The following RHEX variants were observed in gnomAD, a reference collection of about 807,000 sequenced individuals.
The protein encoded by RHEX is regulator of hemoglobinization and erythroid cell expansion, also known as regulator of hemoglobinization and erythroid cell expansion protein.
Under a neutral mutation model 20.1 loss-of-function variants are expected in RHEX, and 18 were observed. The observed-to-expected ratio is 0.90, with a 90% CI of 0.62 to 1.33. The LOEUF is 1.33. Among genes scored for constraint, RHEX ranks in the 40% most tolerant of loss-of-function variants. RHEX has a pLI of 0.00. For missense variants in RHEX, 192 were observed against 214.3 expected, an observed-to-expected ratio of 0.90 and a Z score of 0.65; for synonymous variants, 87 against 77.1, an observed-to-expected ratio of 1.13 and a Z score of -0.67.
In RHEX at chr1:206,077,107, G is replaced by A. The variant is rs145535897; in HGVS notation, c.-96-20626G>A. ...TCCCTACTACATGCAAACACTTGCC[G>A]ATGATGAGAAGAGGTTGTTGCCAGT... On this transcript the variant is annotated intron_variant, in intron 1 of 5. Transcript: ENST00000331555. Among the ~76,000 whole-genome samples the A allele has an allele frequency of 3.0e-3, 460 of 152,284 alleles. 2 individuals carry two copies. Among genetic ancestry groups the A allele is most frequent in the Non-Finnish European group, 4.2e-3 (283 of 68,024 alleles).
At chr1:206,071,972 C>T (rs1354811044) in intron 1 of RHEX, among the ~76,000 whole-genome samples, 3 of 152,064 alleles carry the variant, frequency 2.0e-5, no homozygotes, top group East Asian at 1.9e-4. Context: ...AATCAGTAGG[C>T]GTATTTTGCC....
At chr1:206,092,389 T>C (rs1206242176) in intron 1 of RHEX, among the ~76,000 whole-genome samples, 6 of 152,180 alleles carry the variant, frequency 3.9e-5, no homozygotes, top group Admixed American at 1.3e-4. Flanking sequence ...ACTGTTCCCA[T>C]CTTACATATT....
At chr1:206,083,425 G>C (rs141752222) in intron 1 of RHEX, 1 of 847,772 alleles carries the variant, frequency 1.2e-6, no homozygotes, top group African/African-American at 1.8e-5. Context: ...GGCCAAAAGA[G>C]ACAGGAGGCA....
At position 206,098,151 on chromosome 1, in the gene RHEX, G is replaced by A. The variant is rs781803585; in HGVS notation, c.82G>A (p.Ala28Thr). ...SLFLQACFLT[A>T]INYLLSRHMA... ...CTTCCTGCAGGCCTGCTTCCTCACC[G>A]CCATCAACTACCTGCTCAGCAGGCA... is the stretch of plus-strand genomic sequence containing the variant. The change falls in exon 3 of 6, where the codon GCC becomes ACC. Residue 28 changes from alanine (A) to threonine (T), a missense_variant. Physicochemically the swap from Ala to Thr is moderately conservative, Grantham distance 58 (BLOSUM62 0). Coordinates refer to ENST00000331555, the MANE Select transcript of RHEX (RefSeq NM_001007544.4). 7.4e-6 allele frequency: 12 copies of A among 1,613,444 alleles called. No homozygotes were observed. Among genetic ancestry groups the A allele is most frequent in the East Asian group, 2.2e-5 (1 of 44,894 alleles).
chr1:206,099,846 C>T lies in RHEX; in HGVS notation c.256+48C>T, dbSNP rs375794839. The stretch of plus-strand genomic sequence containing the variant: ...AACTTGTCTAGGGACTAACTTTGCT[C>T]TCTCTGGACACCCAGGACCTCCCTG... On this transcript the variant is annotated intron_variant, in intron 4 of 5. Coordinates refer to ENST00000331555, the MANE Select transcript of RHEX (RefSeq NM_001007544.4). The T allele has an allele frequency of 4.0e-5, 63 of 1,590,310 alleles. No individual in the cohort carries two copies. The African/African-American group carries it at 7.9e-4, about 20-fold the overall frequency.
Position 206,083,530 on chromosome 1 carries a change from T to G in RHEX, c.-96-14203T>G, listed in dbSNP as rs28420808. The G allele has an allele frequency of 3.5e-3, 3,477 of 985,460 alleles. 114 individuals carry two copies. The African/African-American group carries it at 0.056, about 16-fold the overall frequency. The allele number at this position is 985,460 out of a possible 1,614,324, so 61.0% of individuals were successfully genotyped here. The stretch of plus-strand genomic sequence containing the variant: ...CTTGTTGGAAATGTTGAAACACTTG[T>G]GACTGACCTCCAGTGACACAGAAGC... On this transcript the variant is annotated intron_variant, in intron 1 of 5. Coordinates refer to ENST00000331555, the MANE Select transcript of RHEX (RefSeq NM_001007544.4).
At chr1:206,075,549 TA>T in intron 1 of RHEX, among the ~76,000 whole-genome samples, 1 of 152,060 alleles carries the variant, frequency 6.6e-6, no homozygotes, top group East Asian at 1.9e-4. Flanking sequence ...AAGCAGCAGA[TA>T]AATTCATTGG....
intron 1 of RHEX, among the ~76,000 whole-genome samples, chr1:206,065,791 T>A (rs1662410931): frequency 6.6e-6 from 1 of 152,160 alleles, no homozygotes; most frequent in Non-Finnish European, 1.5e-5. Flanking sequence ...GGCAGCTGCT[T>A]CCCCTGCACC....
intron 1 of RHEX, among the ~76,000 whole-genome samples, chr1:206,055,204 C>T (rs1662163442): frequency 1.3e-5 from 2 of 152,274 alleles, no homozygotes; most frequent in East Asian, 3.8e-4. Context: ...CCCCTGAGGG[C>T]CGTCCAGCTT....
At chr1:206,070,166 C>G (rs1179973739) in intron 1 of RHEX, among the ~76,000 whole-genome samples, 1 of 151,820 alleles carries the variant, frequency 6.6e-6, no homozygotes, top group East Asian at 1.9e-4. Context: ...TGATAAACTC[C>G]TCGGTCTTGA....
chr1:206,068,943 C>T (rs1418459581), intron 1 of RHEX, among the ~76,000 whole-genome samples: 1 of 152,210 alleles, frequency 6.6e-6, no homozygotes, highest in Non-Finnish European at 1.5e-5. Context: ...CCCCCATGAC[C>T]AAACTAACTC....
intron 1 of RHEX, chr1:206,083,416 G>C (rs1172513677): frequency 1.3e-6 from 1 of 783,004 alleles, no homozygotes; most frequent in Non-Finnish European, 1.5e-6. Flanking sequence ...GCAGAGCATG[G>C]CCAAAAGAGA....
intron 1 of RHEX, chr1:206,080,289 G>A (rs1337386533): frequency 6.6e-6 from 1 of 152,220 alleles, no homozygotes; most frequent in Non-Finnish European, 1.5e-5. Context: ...AAAGCTGCAT[G>A]TGCAGTCTTA....
At chr1:206,064,669 C>T (rs561988473) in intron 1 of RHEX, among the ~76,000 whole-genome samples, 4,062 of 148,670 alleles carry the variant, frequency 0.027, 57 homozygotes, top group Non-Finnish European at 0.043. Flanking sequence ...GTCAGCCCCC[C>T]GCCCGGCCAG....
intron 1 of RHEX, among the ~76,000 whole-genome samples, chr1:206,069,580 A>G (rs1411850214): frequency 6.6e-6 from 1 of 152,220 alleles, no homozygotes; most frequent in Non-Finnish European, 1.5e-5. Context: ...TGAAAGTTTC[A>G]GGTTCCAGGA....
At chr1:206,092,421 G>A (rs1553287163) in intron 1 of RHEX, among the ~76,000 whole-genome samples, 1 of 152,150 alleles carries the variant, frequency 6.6e-6, no homozygotes, top group African/African-American at 2.4e-5. Flanking sequence ...GCTTTGAGAG[G>A]TTAAATAGCC....
At chr1:206,059,805 A>G (rs1257281849) in intron 1 of RHEX, among the ~76,000 whole-genome samples, 1 of 152,120 alleles carries the variant, frequency 6.6e-6, no homozygotes, top group Non-Finnish European at 1.5e-5. Context: ...CCATCCCTCG[A>G]GGCAGGAGAA....
In RHEX at chr1:206,101,837, T is replaced by C. The variant is rs1302000917; in HGVS notation, c.404T>C (p.Ile135Thr). 4 of 1,613,878 alleles carry C rather than the reference T, an allele frequency of 2.5e-6. No homozygotes were observed. Among genetic ancestry groups the C allele is most frequent in the Non-Finnish European group, 2.5e-6 (3 of 1,179,934 alleles). The part of the protein sequence containing the change: ...KNDSPLDYEN[I>T]KEITDYVNVN... ...GACTCCCCGCTGGACTATGAGAACATAAAGGAAATCACAGATTATGTCAAT... is the reference window on the plus strand; with the variant it reads ...GACTCCCCGCTGGACTATGAGAACACAAAGGAAATCACAGATTATGTCAAT... Residue 135 changes from isoleucine (I) to threonine (T), a missense_variant, in exon 6 of 6, where the codon ATA (isoleucine) becomes ACA (threonine). By Grantham distance (89) the Ile-to-Thr change is moderately conservative (BLOSUM62 -1). Coordinates refer to ENST00000331555, the MANE Select transcript of RHEX (RefSeq NM_001007544.4).
Position 206,102,276 on chromosome 1 carries a change from T to A in RHEX, c.*324T>A. The A allele has an allele frequency of 3.1e-6, 1 of 324,116 alleles. No individual in the cohort carries two copies. Among genetic ancestry groups the A allele is most frequent in the Non-Finnish European group, 5.7e-6 (1 of 174,280 alleles). 20.1% of individuals were successfully genotyped at this position (324,116 alleles called of 1,614,324 possible). A position where few individuals can be genotyped will look rare whatever the true frequency, so the allele number is the denominator to read the frequency against. ...TAAAGTATGAGAACTATGGAGTCCA[T>A]CAGCAGAGATAGTAGTGAAGTCTCT... On this transcript the variant is annotated 3_prime_UTR_variant, in exon 6 of 6. Coordinates refer to ENST00000331555, the MANE Select transcript of RHEX (RefSeq NM_001007544.4).
Sources: allele counts gnomAD v4.1 joint callset (sites outside exome capture counted in the v4.1 genomes callset), GRCh38; gene constraint gnomAD v4.1.1; transcripts MANE v1.5; gene names NCBI Gene and HGNC (gene_info 2026-07-23, HGNC 2026-07-21).